Variants in KCNB2 observed in about 807,000 individuals in gnomAD.
KCNB2 encodes the protein delayed rectifier potassium channel protein.
Under a neutral mutation model 61.5 loss-of-function variants are expected in KCNB2, and 15 were observed. That is an observed-to-expected ratio of 0.24 (90% confidence interval 0.16 to 0.38). The LOEUF (loss-of-function observed/expected upper bound fraction) is 0.38, where lower values mean the gene tolerates loss of function less well. Ranked by LOEUF, KCNB2 falls within the 10% of genes least tolerant of loss-of-function variation. KCNB2 has a pLI of 1.00. For missense variants in KCNB2, 828 were observed against 1,125.2 expected, an observed-to-expected ratio of 0.74 and a Z score of 3.78; for synonymous variants, 457 against 446.0, an observed-to-expected ratio of 1.02 and a Z score of -0.31.
chr8:72,713,017 C>A (rs1807351511), intron 2 of KCNB2, among the ~76,000 whole-genome samples: 1 of 152,220 alleles, frequency 6.6e-6, no homozygotes, highest in African/African-American at 2.4e-5. Flanking sequence ...GATTATATCC[C>A]ACACATGGCT....
intron 2 of KCNB2, among the ~76,000 whole-genome samples, chr8:72,755,189 A>C (rs1466853639): frequency 6.6e-6 from 1 of 152,198 alleles, no homozygotes; most frequent in Non-Finnish European, 1.5e-5. Context: ...CATCAAAAAA[A>C]CAGGGACGTC....
At chr8:72,924,977 T>C (rs1246881152) in intron 2 of KCNB2, among the ~76,000 whole-genome samples, 1 of 152,204 alleles carries the variant, frequency 6.6e-6, no homozygotes, top group East Asian at 1.9e-4. Flanking sequence ...GCAGAGCCAC[T>C]CCATTTCAGC....
chr8:72,561,098 T>G (rs1029296452), intron 1 of KCNB2, among the ~76,000 whole-genome samples: 4 of 152,162 alleles, frequency 2.6e-5, no homozygotes, highest in African/African-American at 9.7e-5. Flanking sequence ...AAGGAAAGCT[T>G]TTAGGATTTC....
chr8:72,767,411 C>T (rs1268059526), intron 2 of KCNB2, among the ~76,000 whole-genome samples: 2 of 152,138 alleles, frequency 1.3e-5, no homozygotes, highest in Non-Finnish European at 2.9e-5. Context: ...AAAGAGTCAC[C>T]TCATCCTCTC....
At chr8:72,719,271 T>C (rs1248381816) in intron 2 of KCNB2, among the ~76,000 whole-genome samples, 1 of 152,146 alleles carries the variant, frequency 6.6e-6, no homozygotes, top group Non-Finnish European at 1.5e-5. Context: ...AAAACTCAGC[T>C]CCCATTAAAT....
intron 2 of KCNB2, among the ~76,000 whole-genome samples, chr8:72,656,539 G>A (rs1806294727): frequency 6.6e-6 from 1 of 152,118 alleles, no homozygotes; most frequent in African/African-American, 2.4e-5. Flanking sequence ...AATTGTACAT[G>A]TATAATCTCT....
At chr8:72,915,889 A>T (rs1053794375) in intron 2 of KCNB2, among the ~76,000 whole-genome samples, 40 of 152,336 alleles carry the variant, frequency 2.6e-4, no homozygotes, top group African/African-American at 9.4e-4. Context: ...ACTGCACTCC[A>T]GCCTGGGCAA....
chr8:72,867,827 C>T (rs1363466871), intron 2 of KCNB2, among the ~76,000 whole-genome samples: 2 of 152,152 alleles, frequency 1.3e-5, no homozygotes, highest in Admixed American at 1.3e-4. Flanking sequence ...GATGACATCA[C>T]TACTATCACT....
intron 2 of KCNB2, among the ~76,000 whole-genome samples, chr8:72,766,840 A>G (rs1401392117): frequency 6.6e-6 from 1 of 152,174 alleles, no homozygotes; most frequent in African/African-American, 2.4e-5. Flanking sequence ...GTCCATTTTC[A>G]TGCCATTGAT....
intron 2 of KCNB2, among the ~76,000 whole-genome samples, chr8:72,892,670 A>G (rs1397552283): frequency 6.6e-6 from 1 of 152,116 alleles, no homozygotes; most frequent in East Asian, 1.9e-4. Context: ...CCAGAATTCA[A>G]ACCCATCTAT....
At chr8:72,661,403 A>G (rs1806378656) in intron 2 of KCNB2, 1 of 152,196 alleles carries the variant, frequency 6.6e-6, no homozygotes, top group African/African-American at 2.4e-5. Context: ...TCTCTGATGC[A>G]TTTGTTATAT....
At chr8:72,851,835 A>AAAAAAAAAAAAAAT (rs1810118852) in intron 2 of KCNB2, among the ~76,000 whole-genome samples, 1 of 116,382 alleles carries the variant, frequency 8.6e-6, no homozygotes, top group Admixed American at 8.0e-5. Flanking sequence ...GGAAAAAAAA[A>AAAAAAAAAAAAAAT]AAAAAAAAAA....
intron 2 of KCNB2, among the ~76,000 whole-genome samples, chr8:72,572,916 C>T (rs967665662): frequency 1.2e-4 from 19 of 152,128 alleles, no homozygotes; most frequent in East Asian, 3.9e-4. Flanking sequence ...GGTCCATTGT[C>T]GTTGGCATGG....
chr8:72,593,934 C>T (rs1436078218), intron 2 of KCNB2, among the ~76,000 whole-genome samples: 5 of 151,928 alleles, frequency 3.3e-5, no homozygotes, highest in Admixed American at 3.3e-4. Context: ...AAGAAAATTT[C>T]TGTGTAGAAT....
At position 72,828,844 on chromosome 8, in the gene KCNB2, A is replaced by G. The variant is rs140258480; in HGVS notation, c.580-107091A>G. Among the ~76,000 whole-genome samples the G allele has an allele frequency of 2.4e-3, 365 of 152,296 alleles. 2 individuals carry two copies. Among genetic ancestry groups the G allele is most frequent in the African/African-American group, 5.9e-3 (246 of 41,566 alleles). On this transcript the variant is annotated intron_variant, in intron 2 of 2. Transcript: ENST00000523207. Reference sequence around the variant, plus strand: ...TAGTGCATTTCCCTTCTAGCACTCAAAGAAAGCTTAACATTTTTGACAGTT... The same window carrying G: ...TAGTGCATTTCCCTTCTAGCACTCAGAGAAAGCTTAACATTTTTGACAGTT...
At chr8:72,545,237 G>A (rs1185082312) in intron 1 of KCNB2, among the ~76,000 whole-genome samples, 4 of 152,066 alleles carry the variant, frequency 2.6e-5, no homozygotes, top group Admixed American at 1.3e-4. Flanking sequence ...TGTACTAAAA[G>A]GCAAGTTATC....
intron 2 of KCNB2, among the ~76,000 whole-genome samples, chr8:72,664,417 A>C (rs889415967): frequency 6.6e-6 from 1 of 152,214 alleles, no homozygotes; most frequent in Non-Finnish European, 1.5e-5. Context: ...TAACATCCAC[A>C]AACACCTGTC....
At chr8:72,599,418 C>G (rs946326571) in intron 2 of KCNB2, among the ~76,000 whole-genome samples, 2 of 152,152 alleles carry the variant, frequency 1.3e-5, no homozygotes, top group African/African-American at 2.4e-5. Flanking sequence ...GAAACTGGAT[C>G]CCTTCCTTAC....
At chr8:72,744,450 ATC>A (rs1808022853) in intron 2 of KCNB2, among the ~76,000 whole-genome samples, 1 of 152,220 alleles carries the variant, frequency 6.6e-6, no homozygotes, top group East Asian at 1.9e-4. Context: ...AGCCCATGTC[ATC>A]ACAGTGCTTA....
Sources: gnomAD v4.1 joint callset for allele counts (sites outside exome capture counted in the v4.1 genomes callset) on GRCh38, gnomAD v4.1.1 for gene constraint, MANE v1.5 for transcripts, NCBI Gene and HGNC (gene_info 2026-07-23, HGNC 2026-07-21) for gene names.